Variants in ESR1 observed in about 807,000 individuals in gnomAD.
The protein encoded by ESR1 is estrogen receptor.
A neutral mutation model predicts 52.7 loss-of-function variants in ESR1; 12 were observed. The ratio of observed to expected loss-of-function variants is 0.23; its 90% CI spans 0.15 to 0.37. The LOEUF (loss-of-function observed/expected upper bound fraction) is 0.37. Among genes scored for constraint, ESR1 ranks in the 10% least tolerant of loss-of-function variants. The pLI, the probability that ESR1 is intolerant of heterozygous loss-of-function variation, is 1.00. For synonymous variants in ESR1, 305 were observed against 316.8 expected, an observed-to-expected ratio of 0.96 and a Z score of 0.39; for missense variants, 584 against 779.7, an observed-to-expected ratio of 0.75 and a Z score of 2.99.
At chr6:151,986,932 CGT>C (rs372758084) in intron 4 of ESR1, among the ~76,000 whole-genome samples, 9 of 151,488 alleles carry the variant, frequency 5.9e-5, no homozygotes, top group African/African-American at 2.2e-4. Context: ...CACGCGAGCA[CGT>C]GTGTGTGTGT....
chr6:151,900,165 ATTGAG>A (rs1796463496), intron 3 of ESR1, among the ~76,000 whole-genome samples: 1 of 152,136 alleles, frequency 6.6e-6, no homozygotes, highest in African/African-American at 2.4e-5. Flanking sequence ...TCTTTGTTGG[ATTGAG>A]TTAATTTGAA....
chr6:152,096,704 CAGGT>C (rs1359575283), intron 7 of ESR1: 1 of 455,840 alleles, frequency 2.2e-6, no homozygotes, highest in African/African-American at 2.0e-5. Context: ...TCACGTCTGT[CAGGT>C]AGAGTAGGTG....
chr6:151,854,385 G>A (rs1787447932), intron 2 of ESR1, among the ~76,000 whole-genome samples: 1 of 152,098 alleles, frequency 6.6e-6, no homozygotes, highest in African/African-American at 2.4e-5. Flanking sequence ...AAAGAACATA[G>A]TGGGGAAAGC....
At chr6:152,011,152 G>A (rs1415078701) in intron 4 of ESR1, among the ~76,000 whole-genome samples, 1 of 152,058 alleles carries the variant, frequency 6.6e-6, no homozygotes, top group African/African-American at 2.4e-5. Context: ...AGTTTTCTGA[G>A]TCTTTCTTTT....
chr6:151,842,134 A>G (rs1311665504), intron 1 of ESR1, among the ~76,000 whole-genome samples: 2 of 152,146 alleles, frequency 1.3e-5, no homozygotes. Context: ...AAAAATTTGA[A>G]TTGTTATTTT....
Position 152,098,707 on chromosome 6 carries a change from C to T in ESR1, c.1554-25C>T, listed in dbSNP as rs760762234. ...GGGCTCGGGTTGGCTCTAAAGTAGTCCTTTCTGTGTCTTCCCACCTACAGT... is the reference window on the plus strand; with the variant it reads ...GGGCTCGGGTTGGCTCTAAAGTAGTTCTTTCTGTGTCTTCCCACCTACAGT... On this transcript the variant is annotated intron_variant, in intron 7 of 7. Coordinates refer to ENST00000206249, the MANE Select transcript of ESR1 (RefSeq NM_000125.4). This position sits in a 1 kb window ranked among gnomAD's most constrained non-coding sequence, Gnocchi z 5.1. 1 of 1,600,844 alleles carries T rather than the reference C, an allele frequency of 6.2e-7. No individual in the cohort carries two copies.
chr6:151,664,968 G>T (rs1255431404), intron 1 of ESR1, among the ~76,000 whole-genome samples: 1 of 152,138 alleles, frequency 6.6e-6, no homozygotes, highest in Non-Finnish European at 1.5e-5. Context: ...GCCTCCAATT[G>T]TTAAATAGGT....
chr6:151,832,224 C>A (rs1782554767), intron 1 of ESR1, among the ~76,000 whole-genome samples: 1 of 152,126 alleles, frequency 6.6e-6, no homozygotes, highest in African/African-American at 2.4e-5. Context: ...AACTTGCCTA[C>A]CCCAGAACAT....
chr6:151,867,788 GCTGT>G (rs1343892261), intron 2 of ESR1, among the ~76,000 whole-genome samples: 1 of 152,116 alleles, frequency 6.6e-6, no homozygotes, highest in African/African-American at 2.4e-5. Context: ...GGTCTGACGG[GCTGT>G]CTTTTAGTTT....
chr6:151,700,716 A>G (rs1410474047), intron 1 of ESR1, among the ~76,000 whole-genome samples: 1 of 132,310 alleles, frequency 7.6e-6, no homozygotes, highest in East Asian at 2.1e-4. Flanking sequence ...AATTAGGTTC[A>G]CTGTTGCTTG....
At chr6:151,730,073 C>T (rs1293872403) in intron 2 of ESR1, among the ~76,000 whole-genome samples, 1 of 152,168 alleles carries the variant, frequency 6.6e-6, no homozygotes, top group Non-Finnish European at 1.5e-5. Flanking sequence ...TCTGCCTCTC[C>T]CACTGGCCCA....
chr6:151,791,402 C>T (rs773810083), intron 2 of ESR1, among the ~76,000 whole-genome samples: 4 of 152,162 alleles, frequency 2.6e-5, no homozygotes, highest in African/African-American at 9.7e-5. Context: ...TAAGAAGCGC[C>T]TTTGCTCTTC....
intron 5 of ESR1, among the ~76,000 whole-genome samples, chr6:152,035,474 G>C (rs2045208517): frequency 6.6e-6 from 1 of 151,960 alleles, no homozygotes; most frequent in African/African-American, 2.4e-5. Flanking sequence ...TTTATGGTTA[G>C]GAAGATTCAC....
Position 152,099,550 on chromosome 6 carries a change from C to G in ESR1, c.*584C>G, listed in dbSNP as rs33986155. 8,934 of 242,100 alleles carry G rather than the reference C, an allele frequency of 0.037. 204 individuals carry two copies. Among genetic ancestry groups the G allele is most frequent in the Middle Eastern group, 0.051 (41 of 800 alleles). The allele number at this position is 242,100 out of a possible 1,614,324, so 15.0% of individuals were successfully genotyped here. On this transcript the variant is annotated 3_prime_UTR_variant, in exon 8 of 8. Transcript: ENST00000206249. ...TATCTGGTGATTGTCAATTCATTCCCCCTATAGGAATACAAGGGGCACACA... is the reference window on the plus strand; with the variant it reads ...TATCTGGTGATTGTCAATTCATTCCGCCTATAGGAATACAAGGGGCACACA...
At chr6:151,879,826 C>T (rs1792492508) in intron 2 of ESR1, among the ~76,000 whole-genome samples, 1 of 152,118 alleles carries the variant, frequency 6.6e-6, no homozygotes, top group African/African-American at 2.4e-5. Context: ...AATTTGTGAA[C>T]TGAAGGACTG....
intron 6 of ESR1, among the ~76,000 whole-genome samples, chr6:152,073,527 C>T (rs1024500178): frequency 6.6e-5 from 10 of 152,162 alleles, no homozygotes; most frequent in African/African-American, 2.2e-4. Flanking sequence ...GATGCCAGTT[C>T]GCTGCCACTT....
chr6:152,074,986 A>G (rs577079289), intron 6 of ESR1, among the ~76,000 whole-genome samples: 1 of 152,176 alleles, frequency 6.6e-6, no homozygotes, highest in South Asian at 2.1e-4. Flanking sequence ...ATTTTGGATA[A>G]CAGTCATTTA....
intron 5 of ESR1, among the ~76,000 whole-genome samples, chr6:152,036,071 TTTAA>T (rs1232020401): frequency 6.6e-6 from 1 of 152,006 alleles, no homozygotes; most frequent in Non-Finnish European, 1.5e-5. Context: ...AATCAACAAC[TTTAA>T]TTAAAAAACC....
At chr6:151,780,536 G>T (rs1786451935) in intron 2 of ESR1, among the ~76,000 whole-genome samples, 1 of 152,112 alleles carries the variant, frequency 6.6e-6, no homozygotes, top group Non-Finnish European at 1.5e-5. Context: ...GATTTCCTTG[G>T]TGTGGGGTAG....
Sources: allele counts gnomAD v4.1 joint callset (sites outside exome capture counted in the v4.1 genomes callset), GRCh38; gene constraint gnomAD v4.1.1; non-coding constraint Gnocchi (gnomAD v3.1); transcripts MANE v1.5; gene names NCBI Gene and HGNC (gene_info 2026-07-23, HGNC 2026-07-21).